Variants in ETF1 observed in about 807,000 individuals in gnomAD.
ETF1 encodes the protein eukaryotic peptide chain release factor subunit 1.
In ETF1, 4 loss-of-function variants were observed where a neutral mutation model predicts 55.1. The observed-to-expected ratio is 0.07, with a 90% CI of 0.04 to 0.17. The LOEUF is 0.17. Ranked by LOEUF, ETF1 falls within the 10% of genes least tolerant of loss-of-function variation. ETF1 has a pLI of 1.00. For missense variants in ETF1, 142 were observed against 523.6 expected, an observed-to-expected ratio of 0.27 and a Z score of 7.11; for synonymous variants, 157 against 182.3, an observed-to-expected ratio of 0.86 and a Z score of 1.12.
At chr5:138,514,820 T>C (rs781359732) in intron 4 of ETF1, among the ~76,000 whole-genome samples, 2 of 152,096 alleles carry the variant, frequency 1.3e-5, no homozygotes, top group Non-Finnish European at 2.9e-5. Flanking sequence ...AAAGAGAAAA[T>C]ATTGAAACAG....
At chr5:138,541,231 G>A (rs154069) in intron 2 of ETF1, among the ~76,000 whole-genome samples, 79,340 of 152,030 alleles carry the variant, frequency 0.52, 22,892 homozygotes, top group East Asian at 0.8. Context: ...CGTGACCTAT[G>A]TTACCCTTTC....
intron 5 of ETF1, 96 bp from the exon 6 acceptor site, chr5:138,513,050 A>G: frequency 1.4e-6 from 2 of 1,403,724 alleles, no homozygotes; most frequent in Admixed American, 7.3e-5. Context: ...CATCTAAGAA[A>G]AGGACAAAGA....
intron 9 of ETF1, chr5:138,509,286 T>TA: frequency 3.9e-6 from 2 of 515,400 alleles, no homozygotes; most frequent in Non-Finnish European, 5.0e-6. Flanking sequence ...GTGATGCACT[T>TA]AGAGCAAACC....
At chr5:138,524,392 T>C (rs747291370) in intron 2 of ETF1, among the ~76,000 whole-genome samples, 3 of 151,352 alleles carry the variant, frequency 2.0e-5, no homozygotes, top group Admixed American at 2.0e-4. Flanking sequence ...GTGAGACCTG[T>C]CTCTACAAAA....
chr5:138,541,676 A>C, intron 2 of ETF1: 1 of 1,441,810 alleles, frequency 6.9e-7, no homozygotes, highest in South Asian at 1.3e-5. Context: ...GCTGAAATCA[A>C]CTTTTCACAT....
chr5:138,524,700 C>G (rs1430460194), intron 2 of ETF1, among the ~76,000 whole-genome samples: 3 of 151,234 alleles, frequency 2.0e-5, no homozygotes, highest in Non-Finnish European at 4.4e-5. Flanking sequence ...GCCTCAGCCT[C>G]CCCAGTAGCT....
chr5:138,542,564 G>C, intron 2 of ETF1: 1 of 1,307,444 alleles, frequency 7.6e-7, no homozygotes, highest in Non-Finnish European at 1.0e-6. Flanking sequence ...CCCGGGAGAG[G>C]TGCAAAAGTA....
intron 2 of ETF1, 67 bp from the exon 3 acceptor site, chr5:138,518,934 GTAAAA>G: frequency 6.3e-7 from 1 of 1,585,668 alleles, no homozygotes; most frequent in East Asian, 2.2e-5. Context: ...TTTCTCTCTG[GTAAAA>G]GCAAGCTACA....
chr5:138,521,749 C>T (rs759656397), intron 2 of ETF1, among the ~76,000 whole-genome samples: 63 of 152,256 alleles, frequency 4.1e-4, no homozygotes, highest in Middle Eastern at 3.4e-3. Flanking sequence ...AGGCTGGTCT[C>T]GAACTCCCGG....
intron 4 of ETF1, among the ~76,000 whole-genome samples, chr5:138,515,545 A>T (rs561844281): frequency 6.6e-6 from 1 of 152,366 alleles, no homozygotes; most frequent in South Asian, 2.1e-4. Flanking sequence ...CTTATCAGGG[A>T]ATAGGCATAT....
intron 2 of ETF1, among the ~76,000 whole-genome samples, chr5:138,519,634 G>T (rs1765156073): frequency 6.6e-6 from 1 of 151,038 alleles, no homozygotes; most frequent in African/African-American, 2.4e-5. Context: ...CTGCACTCCA[G>T]CCTGGGCGAC....
chr5:138,513,333 G>T (rs970166993), intron 5 of ETF1: 1 of 451,996 alleles, frequency 2.2e-6, no homozygotes, highest in Admixed American at 6.4e-5. Flanking sequence ...CCGGGTTCAA[G>T]CAATTCTCCT....
chr5:138,511,391 CACACACACACAT>C (rs781023443), intron 7 of ETF1, 72 bp downstream of exon 7: 34 of 866,374 alleles, frequency 3.9e-5, no homozygotes, highest in Middle Eastern at 3.3e-4. Flanking sequence ...CACGTACATA[CACACACACACAT>C]ACACACACAC....
intron 9 of ETF1, 151 bp downstream of exon 9, chr5:138,510,414 A>G (rs1052519475): frequency 1.7e-5 from 5 of 300,130 alleles, no homozygotes; most frequent in Non-Finnish European, 3.4e-5. Flanking sequence ...CTGAAATCAG[A>G]TTCGTATGTG....
chr5:138,528,116 T>C (rs1765554322), intron 2 of ETF1, among the ~76,000 whole-genome samples: 1 of 152,146 alleles, frequency 6.6e-6, no homozygotes, highest in South Asian at 2.1e-4. Flanking sequence ...AAAGCCGACA[T>C]GCTCTGACTT....
At chr5:138,513,913 T>C in intron 4 of ETF1, 1 of 868,242 alleles carries the variant, frequency 1.2e-6, no homozygotes, top group Non-Finnish European at 1.4e-6. Context: ...AAATAACGAA[T>C]GATATCTATG....
At chr5:138,513,224 TA>T in intron 5 of ETF1, 1 of 984,298 alleles carries the variant, frequency 1.0e-6, no homozygotes, top group Non-Finnish European at 1.2e-6. Flanking sequence ...CCTCACATCA[TA>T]CTGTTTTCTC....
At position 138,513,708 on chromosome 5, in the gene ETF1, T is replaced by C; in HGVS notation, c.403-2A>G. 6.3e-7 allele frequency: 1 copy of C among 1,596,114 alleles called. No homozygotes were observed. The highest frequency in any genetic ancestry group is 8.6e-7 in the Non-Finnish European group (1 of 1,165,120). On this transcript the variant is annotated splice_acceptor_variant, in intron 4 of 10. Transcript: ENST00000360541. LOFTEE classifies it high-confidence loss of function. The stretch of plus-strand genomic sequence containing the variant: ...ATCTGAAAGTAGTGCTGTAAGAGCC[T>C]GAAAAGCAAACACAAGTACCACACG...
Position 138,508,684 on chromosome 5 carries a change from A to G in ETF1, c.1216T>C (p.Phe406Leu). 1 of 1,612,524 alleles carries G rather than the reference A, an allele frequency of 6.2e-7. No individual in the cohort carries two copies. Among genetic ancestry groups the G allele is most frequent in the Non-Finnish European group, 8.5e-7 (1 of 1,180,008 alleles). Residue 406 changes from phenylalanine to leucine, a missense_variant, in exon 10 of 11, where the codon TTT (phenylalanine) becomes CTT (leucine). By Grantham distance (22) the Phe-to-Leu change is conservative. Coordinates refer to ENST00000360541, the MANE Select transcript of ETF1 (RefSeq NM_004730.4). ...SQEGSQFVKG[F>L]GGIGGILRYR... ...TGCTACTCACCTCCAATTCCACCAAATCCTTTCACAAACTGAGACCCTTCT... is the reference window on the plus strand; with the variant it reads ...TGCTACTCACCTCCAATTCCACCAAGTCCTTTCACAAACTGAGACCCTTCT...
Sources: gnomAD v4.1 joint callset for allele counts (sites outside exome capture counted in the v4.1 genomes callset) on GRCh38, gnomAD v4.1.1 for gene constraint, MANE v1.5 for transcripts, NCBI Gene and HGNC (gene_info 2026-07-23, HGNC 2026-07-21) for gene names.